The following FGD6 variants were observed in gnomAD, a reference collection of about 807,000 sequenced individuals.
The protein encoded by FGD6 is FYVE, RhoGEF and PH domain-containing protein 6.
A neutral mutation model predicts 149.4 loss-of-function variants in FGD6; 90 were observed. The observed-to-expected ratio is 0.60, with a 90% CI of 0.51 to 0.72. The LOEUF (loss-of-function observed/expected upper bound fraction) is 0.72. Among genes scored for constraint, FGD6 ranks in the 30% least tolerant of loss-of-function variants. FGD6 has a pLI of 0.00. For synonymous variants in FGD6, 527 were observed against 584.0 expected (o/e 0.90, Z 1.41); for missense variants, 1,437 against 1,684.8 (o/e 0.85, Z 2.57).
intron 2 of FGD6, among the ~76,000 whole-genome samples, chr12:95,177,327 T>A (rs183031460): frequency 6.6e-6 from 1 of 152,226 alleles, no homozygotes; most frequent in African/African-American, 2.4e-5. Context: ...AAAGCTGAGT[T>A]AAGAATGGCT....
Position 95,092,850 on chromosome 12 carries a change from GGAA to G in FGD6, c.3601-8_3601-6del, listed in dbSNP as rs760686233. 1.2e-5 allele frequency: 19 copies of G among 1,604,262 alleles called. No homozygotes were observed. The highest frequency in any genetic ancestry group is 6.7e-5 in the South Asian group (6 of 89,216). On this transcript the variant is annotated splice_region_variant and splice_polypyrimidine_tract_variant and intron_variant, in intron 15 of 20. Transcript: ENST00000343958. Reference sequence around the variant, plus strand: ...TTCTTTATTTTCTGAGTCTGCCTGTGGAAGAAGAACAACTTCTGATTATCTCCA... The same window carrying G: ...TTCTTTATTTTCTGAGTCTGCCTGTGGAAGAACAACTTCTGATTATCTCCA...
At chr12:95,179,394 A>G (rs1413274225) in intron 2 of FGD6, among the ~76,000 whole-genome samples, 1 of 151,930 alleles carries the variant, frequency 6.6e-6, no homozygotes, top group South Asian at 2.1e-4. Flanking sequence ...CTACCTAGCT[A>G]CTTGGGAGGC....
chr12:95,141,260 A>G (rs1425550384), intron 6 of FGD6, 128 bp downstream of exon 6: 1 of 981,716 alleles, frequency 1.0e-6, no homozygotes, highest in Non-Finnish European at 1.5e-6. Flanking sequence ...CAATCTATGG[A>G]TAACTGCAAA....
At chr12:95,095,232 A>G (rs561295296) in intron 14 of FGD6, among the ~76,000 whole-genome samples, 1 of 152,252 alleles carries the variant, frequency 6.6e-6, no homozygotes, top group South Asian at 2.1e-4. Context: ...TCACACGGTA[A>G]AGGCTGCAGT....
chr12:95,163,409 G>C (rs1028586779), intron 3 of FGD6, among the ~76,000 whole-genome samples: 5 of 152,040 alleles, frequency 3.3e-5, no homozygotes, highest in Admixed American at 2.6e-4. Context: ...CAAAGGACAA[G>C]ATAATTTTCT....
At chr12:95,161,397 A>G (rs1003031075) in intron 3 of FGD6, among the ~76,000 whole-genome samples, 24 of 151,726 alleles carry the variant, frequency 1.6e-4, no homozygotes, top group African/African-American at 5.8e-4. Flanking sequence ...TAGGTAGCCT[A>G]AGGCAGGAGA....
chr12:95,076,802 C>G lies in FGD6; in HGVS notation c.*4718G>C, dbSNP rs551157531. 2.9e-4 allele frequency: 35 copies of G among 120,342 alleles called. No homozygotes were observed. Among genetic ancestry groups the G allele is most frequent in the Non-Finnish European group, 5.2e-4 (30 of 57,332 alleles). The allele number at this position is 120,342 out of a possible 1,614,324, so 7.5% of individuals were successfully genotyped here. A position where few individuals can be genotyped will look rare whatever the true frequency, so the allele number is the denominator to read the frequency against. ...ATACATATTAACATTATTTACAATG[C>G]TAATTTTTTTATTTATAAAGTATAT... is the stretch of plus-strand genomic sequence containing the variant. On this transcript the variant is annotated 3_prime_UTR_variant, in exon 21 of 21. Coordinates refer to ENST00000343958, the MANE Select transcript of FGD6 (RefSeq NM_018351.4).
At chr12:95,181,757 T>C (rs1465077437) in intron 2 of FGD6, among the ~76,000 whole-genome samples, 1 of 152,092 alleles carries the variant, frequency 6.6e-6, no homozygotes, top group African/African-American at 2.4e-5. Flanking sequence ...ATCAAGACCA[T>C]CCTGGCTAAT....
At chr12:95,144,295 A>G (rs1330261456) in intron 5 of FGD6, among the ~76,000 whole-genome samples, 1 of 152,224 alleles carries the variant, frequency 6.6e-6, no homozygotes, top group African/African-American at 2.4e-5. Flanking sequence ...TAAAAGCAGT[A>G]TGTCAGAATA....
At position 95,092,959 on chromosome 12, in the gene FGD6, G is replaced by GC; in HGVS notation, c.3601-115dup. The GC allele has an allele frequency of 3.3e-6, 4 of 1,211,410 alleles. No individual in the cohort carries two copies. The East Asian group carries it at 1.0e-4, about 31-fold the overall frequency. 75.0% of individuals were successfully genotyped at this position (1,211,410 alleles called of 1,614,324 possible). A position where few individuals can be genotyped will look rare whatever the true frequency, so the allele number is the denominator to read the frequency against. The stretch of plus-strand genomic sequence containing the variant: ...ATGAGGGTCAGGCACAGCAGCTCAC[G>GC]CCTGTAATCCCAGCATTTTGGGAGG... On this transcript the variant is annotated intron_variant, in intron 15 of 20. Transcript: ENST00000343958.
At chr12:95,136,866 G>T (rs1879680802) in intron 7 of FGD6, among the ~76,000 whole-genome samples, 1 of 152,158 alleles carries the variant, frequency 6.6e-6, no homozygotes, top group South Asian at 2.1e-4. Flanking sequence ...GAGTTCTGGG[G>T]ATCTGGTTGC....
chr12:95,179,599 AC>A (rs1045930792), intron 2 of FGD6, among the ~76,000 whole-genome samples: 7 of 152,298 alleles, frequency 4.6e-5, no homozygotes, highest in Non-Finnish European at 7.3e-5. Context: ...TGTTTAAAAA[AC>A]AAATAGAATG....
intron 7 of FGD6, among the ~76,000 whole-genome samples, chr12:95,135,183 T>C (rs918636045): frequency 2.0e-5 from 3 of 152,070 alleles, no homozygotes; most frequent in African/African-American, 7.2e-5. Context: ...CAAATCCCAA[T>C]GGACCAAGAA....
intron 6 of FGD6, among the ~76,000 whole-genome samples, chr12:95,140,783 C>A (rs1354979270): frequency 6.6e-6 from 1 of 152,148 alleles, no homozygotes; most frequent in African/African-American, 2.4e-5. Flanking sequence ...TCTATCTACA[C>A]TGAATCTCAA....
rs1412048834 is a variant in FGD6, at chr12:95,209,612, G to A, written c.1672C>T (p.Pro558Ser). The A allele has an allele frequency of 6.2e-7, 1 of 1,613,772 alleles. No homozygotes were observed. The highest frequency in any genetic ancestry group is 8.5e-7 in the Non-Finnish European group (1 of 1,179,978). ...NRGVSSSFDM[P>S]KRASEKPVWK... is the part of the protein sequence containing the mutation. Reference sequence around the variant, plus strand: ...ACTGGCTTTTCTGAAGCCCGTTTAGGCATATCAAAGGAGGATGACACACCA... The same window carrying A: ...ACTGGCTTTTCTGAAGCCCGTTTAGACATATCAAAGGAGGATGACACACCA... The change falls in exon 2 of 21, where the codon CCT becomes TCT. Residue 558 changes from proline (P) to serine (S), a missense_variant. By Grantham distance (74) the Pro-to-Ser change is moderately conservative. Coordinates refer to ENST00000343958, the MANE Select transcript of FGD6 (RefSeq NM_018351.4).
At chr12:95,113,794 G>T (rs1252145651) in intron 8 of FGD6, 93 bp from the exon 9 acceptor site, 2 of 765,334 alleles carry the variant, frequency 2.6e-6, no homozygotes, top group Non-Finnish European at 4.2e-6. Flanking sequence ...AGTCTTGCTG[G>T]TTAATATACA....
intron 14 of FGD6, chr12:95,100,975 G>A (rs1452818429): frequency 5.4e-6 from 2 of 368,806 alleles, no homozygotes; most frequent in Non-Finnish European, 1.0e-5. Flanking sequence ...TGAGATTCAC[G>A]GGGTAGTTAT....
At chr12:95,215,856 T>C (rs1004774236) in intron 1 of FGD6, among the ~76,000 whole-genome samples, 1 of 152,196 alleles carries the variant, frequency 6.6e-6, no homozygotes, top group Admixed American at 6.5e-5. Flanking sequence ...TTTAAATACA[T>C]TTGACACCTC....
intron 17 of FGD6, among the ~76,000 whole-genome samples, chr12:95,090,350 C>T (rs1005831154): frequency 6.6e-6 from 1 of 152,034 alleles, no homozygotes; most frequent in African/African-American, 2.4e-5. Context: ...ATGTTTTAGG[C>T]TGGGGAGTGA....
Sources: allele counts gnomAD v4.1 joint callset (sites outside exome capture counted in the v4.1 genomes callset), GRCh38; gene constraint gnomAD v4.1.1; transcripts MANE v1.5; gene names NCBI Gene and HGNC (gene_info 2026-07-23, HGNC 2026-07-21).